Variants in RARB observed in about 807,000 individuals in gnomAD.
RARB encodes retinoic acid receptor beta.
A neutral mutation model predicts 51.9 loss-of-function variants in RARB; 17 were observed. The observed-to-expected ratio is 0.33, with a 90% confidence interval of 0.22 to 0.49. The LOEUF is 0.49. Ranked by LOEUF, RARB falls within the 20% of genes least tolerant of loss-of-function variation. RARB has a pLI of 0.99. For synonymous variants in RARB, 215 were observed against 195.4 expected, an observed-to-expected ratio of 1.10 and a Z score of -0.84; for missense variants, 369 against 550.8, an observed-to-expected ratio of 0.67 and a Z score of 3.30.
At chr3:25,471,055 A>G (rs1258123242) in intron 2 of RARB, among the ~76,000 whole-genome samples, 1 of 152,252 alleles carries the variant, frequency 6.6e-6, no homozygotes. Context: ...TAATGCAAAT[A>G]GTATATTACT....
chr3:25,124,417 C>G (rs1375970614), intron 3 of RARB, among the ~76,000 whole-genome samples: 2 of 152,122 alleles, frequency 1.3e-5, no homozygotes, highest in African/African-American at 4.8e-5. Flanking sequence ...ATTTCCCGAA[C>G]TTTCTTAAAT....
At chr3:25,388,007 G>A (rs981247864) in intron 5 of RARB, among the ~76,000 whole-genome samples, 2 of 152,090 alleles carry the variant, frequency 1.3e-5, no homozygotes, top group Non-Finnish European at 2.9e-5. Flanking sequence ...TTTTGGATTC[G>A]GTTAGTGATT....
At position 25,213,518 on chromosome 3, in the gene RARB, C is replaced by G. The variant is rs146771412; in HGVS notation, c.178+38943C>G. Among the ~76,000 whole-genome samples the G allele has an allele frequency of 2.8e-4, 42 of 152,288 alleles. 1 individual carries two copies. The highest frequency in any genetic ancestry group is 5.9e-4 in the Admixed American group (9 of 15,300). ...TTTGAAGCATTACCAATAAGGCACT[C>G]TGAGCATCCTTGTACATGTCTTTTG... is the stretch of plus-strand genomic sequence containing the variant. On this transcript the variant is annotated intron_variant, in intron 5 of 11. Transcript: ENST00000383772.
At chr3:24,862,061 T>C (rs1393093257) in intron 2 of RARB, among the ~76,000 whole-genome samples, 1 of 152,200 alleles carries the variant, frequency 6.6e-6, no homozygotes, top group Non-Finnish European at 1.5e-5. Context: ...TTAAAATCTG[T>C]AAGCTAACAT....
At chr3:24,903,040 C>A (rs182289005) in intron 2 of RARB, among the ~76,000 whole-genome samples, 63 of 152,140 alleles carry the variant, frequency 4.1e-4, no homozygotes, top group African/African-American at 1.5e-3. Flanking sequence ...TTGGAAAAAT[C>A]TTGGAAAAAC....
At chr3:24,966,122 G>A (rs1202503918) in intron 2 of RARB, among the ~76,000 whole-genome samples, 2 of 150,576 alleles carry the variant, frequency 1.3e-5, no homozygotes, top group Admixed American at 6.6e-5. Flanking sequence ...GGTTATTTTA[G>A]CTTGTTAAAT....
intron 2 of RARB, among the ~76,000 whole-genome samples, chr3:24,953,696 AT>A (rs1210204970): frequency 3.3e-5 from 5 of 152,042 alleles, no homozygotes; most frequent in African/African-American, 1.2e-4. Context: ...GAAATTACAG[AT>A]TTTTTTTCAA....
chr3:25,246,707 G>T (rs1475000243), intron 5 of RARB, among the ~76,000 whole-genome samples: 1 of 152,088 alleles, frequency 6.6e-6, no homozygotes, highest in Non-Finnish European at 1.5e-5. Context: ...GGTCCCAAAG[G>T]GGTGCCTGCC....
intron 1 of RARB, among the ~76,000 whole-genome samples, chr3:25,446,771 C>G (rs1475463646): frequency 7.4e-6 from 1 of 134,886 alleles, no homozygotes; most frequent in Non-Finnish European, 1.5e-5. Flanking sequence ...CCACTCCACT[C>G]CAGCCTGGGT....
At chr3:25,142,779 A>G (rs371258947) in intron 4 of RARB, among the ~76,000 whole-genome samples, 2 of 152,108 alleles carry the variant, frequency 1.3e-5, no homozygotes, top group Non-Finnish European at 2.9e-5. Context: ...ATGGGCTGCA[A>G]TCTATAGCTG....
At chr3:25,587,430 AT>A (rs1193763754) in intron 5 of RARB, among the ~76,000 whole-genome samples, 83 of 147,320 alleles carry the variant, frequency 5.6e-4, no homozygotes, top group African/African-American at 2.2e-3. Flanking sequence ...CTCCTTAATG[AT>A]TTTTTTGTAT....
intron 5 of RARB, among the ~76,000 whole-genome samples, chr3:25,410,226 T>C (rs1377991405): frequency 6.6e-6 from 1 of 152,190 alleles, no homozygotes; most frequent in Non-Finnish European, 1.5e-5. Flanking sequence ...TAACCTAAGA[T>C]ACAAATGAGT....
intron 5 of RARB, among the ~76,000 whole-genome samples, chr3:25,302,966 A>C (rs1391162493): frequency 6.6e-6 from 1 of 152,214 alleles, no homozygotes; most frequent in Admixed American, 6.5e-5. Flanking sequence ...TTTTCTTTAC[A>C]TATGAGCTTC....
At chr3:25,207,993 A>G (rs1228880300) in intron 5 of RARB, among the ~76,000 whole-genome samples, 2 of 151,436 alleles carry the variant, frequency 1.3e-5, no homozygotes, top group East Asian at 3.9e-4. Context: ...AGCATGTCAC[A>G]TGGCAAAAGT....
At chr3:24,944,876 T>G (rs1017181395) in intron 2 of RARB, among the ~76,000 whole-genome samples, 2 of 152,176 alleles carry the variant, frequency 1.3e-5, no homozygotes, top group African/African-American at 4.8e-5. Context: ...AAAGTAGATA[T>G]GAAGATAATA....
At chr3:24,935,737 T>A (rs1199342011) in intron 2 of RARB, among the ~76,000 whole-genome samples, 1 of 152,166 alleles carries the variant, frequency 6.6e-6, no homozygotes, top group African/African-American at 2.4e-5. Flanking sequence ...TTGTTAAAAT[T>A]CAAAAATTGG....
At chr3:24,961,815 G>A (rs1324532598) in intron 2 of RARB, among the ~76,000 whole-genome samples, 1 of 150,356 alleles carries the variant, frequency 6.7e-6, no homozygotes, top group Non-Finnish European at 1.5e-5. Flanking sequence ...AGAACACCCT[G>A]TACATCTGTA....
chr3:25,098,113 G>C (rs1699335220), intron 3 of RARB, among the ~76,000 whole-genome samples: 1 of 152,136 alleles, frequency 6.6e-6, no homozygotes, highest in African/African-American at 2.4e-5. Flanking sequence ...AAGAGCAAGG[G>C]GAGCACTGTA....
intron 2 of RARB, among the ~76,000 whole-genome samples, chr3:24,874,502 G>A (rs751401521): frequency 5.3e-5 from 8 of 151,920 alleles, no homozygotes; most frequent in African/African-American, 1.7e-4. Flanking sequence ...ATAAGTTTAC[G>A]TACAGCTTGT....
Sources: allele counts gnomAD v4.1 joint callset (sites outside exome capture counted in the v4.1 genomes callset), GRCh38; gene constraint gnomAD v4.1.1; transcripts MANE v1.5; gene names NCBI Gene and HGNC (gene_info 2026-07-23, HGNC 2026-07-21).